CALCOCO2: variants seen among roughly 807,000 people sequenced by gnomAD.
CALCOCO2 encodes calcium binding and coiled-coil domain 2, also known as calcium-binding and coiled-coil domain-containing protein 2.
A neutral mutation model predicts 62.5 loss-of-function variants in CALCOCO2; 42 were observed. The observed-to-expected ratio is 0.67, with a 90% CI of 0.53 to 0.87. The LOEUF is 0.87. CALCOCO2 is among the 40% of genes least tolerant of loss of function. The pLI, the probability that CALCOCO2 is intolerant of heterozygous loss-of-function variation, is 0.00. For synonymous variants in CALCOCO2, 167 were observed against 173.0 expected, an observed-to-expected ratio of 0.97 and a Z score of 0.27; for missense variants, 456 against 515.0, an observed-to-expected ratio of 0.89 and a Z score of 1.11.
At chr17:48,850,915 CTT>C in intron 5 of CALCOCO2, 172 bp from the exon 6 acceptor site, 2 of 349,322 alleles carry the variant, frequency 5.7e-6, no homozygotes, top group African/African-American at 4.3e-5. Context: ...GAGACACTGT[CTT>C]AAAAAAAAAA....
intron 1 of CALCOCO2, among the ~76,000 whole-genome samples, chr17:48,837,490 C>G (rs1567749109): frequency 1.3e-5 from 2 of 151,900 alleles, no homozygotes; most frequent in African/African-American, 4.8e-5. Flanking sequence ...ACTAAAAATA[C>G]AAAAAATTAG....
At chr17:48,848,250 TA>T in intron 3 of CALCOCO2, 71 bp from the exon 4 acceptor site, 1 of 1,555,752 alleles carries the variant, frequency 6.4e-7, no homozygotes. Flanking sequence ...CTGGGGCAGA[TA>T]AAAAGATTTC....
intron 2 of CALCOCO2, chr17:48,842,236 CCTCCACCTCCCGGGTTCAAGCAGTT>C (rs2039985423): frequency 6.6e-6 from 1 of 150,960 alleles, no homozygotes; most frequent in Non-Finnish European, 1.4e-5. Context: ...CTCACTGCTA[CCTCCACCTCCCGGGTTCAAGCAGTT>C]CTCCTGCCTC....
In CALCOCO2 at chr17:48,847,208, C is replaced by G. The variant is rs1435957874; in HGVS notation, c.181-856C>G. Among the ~76,000 whole-genome samples the G allele has an allele frequency of 2.6e-5, 4 of 151,950 alleles. No individual in the cohort carries two copies. The East Asian group carries it at 7.7e-4, about 29-fold the overall frequency. On this transcript the variant is annotated intron_variant, in intron 2 of 12. Transcript: ENST00000258947. The stretch of plus-strand genomic sequence containing the variant: ...CTAAGAACCCTGTTCTCCCTCTGCC[C>G]CCAACACAGACATTATGAAAAATAA...
chr17:48,847,454 CT>C (rs1222874153), intron 2 of CALCOCO2, among the ~76,000 whole-genome samples: 1 of 152,028 alleles, frequency 6.6e-6, no homozygotes, highest in Non-Finnish European at 1.5e-5. Context: ...ATTTTTGGAG[CT>C]TTTTTCCTGG....
intron 5 of CALCOCO2, among the ~76,000 whole-genome samples, chr17:48,850,381 C>G (rs538650890): frequency 2.0e-5 from 3 of 151,160 alleles, no homozygotes; most frequent in African/African-American, 7.3e-5. Flanking sequence ...TGCTTGAACC[C>G]GGGAGGCAGA....
chr17:48,858,918 G>A (rs1246025779), intron 10 of CALCOCO2, among the ~76,000 whole-genome samples: 1 of 151,598 alleles, frequency 6.6e-6, no homozygotes, highest in Non-Finnish European at 1.5e-5. Flanking sequence ...GGTGGTGCAT[G>A]CCTGTAATCC....
intron 2 of CALCOCO2, chr17:48,845,988 C>A: frequency 1.2e-6 from 1 of 806,952 alleles, no homozygotes; most frequent in Non-Finnish European, 1.9e-6. Context: ...TGTAAAGTTT[C>A]GTCCTTTGCA....
rs1175156386 is a variant in CALCOCO2 at position 48,845,381 on chromosome 17, G to C, written c.181-2683G>C. ...CTAATTAAATCCTCACTGTGTGTGT[G>C]TGTGTGTGTGTGTGTGTGTGTGTGT... is the stretch of plus-strand genomic sequence containing the variant. On this transcript the variant is annotated intron_variant, in intron 2 of 12. Transcript: ENST00000258947. Among the ~76,000 whole-genome samples, 380 of 75,554 alleles carry C rather than the reference G, an allele frequency of 5.0e-3. 7 individuals are homozygous for C. Among genetic ancestry groups the C allele is most frequent in the South Asian group, 0.015 (17 of 1,142 alleles). The allele number at this position is 75,554 out of a possible 152,430, so 49.6% of individuals were successfully genotyped here.
chr17:48,857,274 C>T (rs374253966), intron 10 of CALCOCO2, among the ~76,000 whole-genome samples: 1 of 150,138 alleles, frequency 6.7e-6, no homozygotes, highest in Non-Finnish European at 1.5e-5. Context: ...CTCAGCTCAC[C>T]GCAACCTCCA....
chr17:48,846,058 C>A, intron 2 of CALCOCO2: 1 of 1,484,482 alleles, frequency 6.7e-7, no homozygotes, highest in Non-Finnish European at 9.1e-7. Flanking sequence ...GACTATTCAA[C>A]TCCTCATCAC....
At chr17:48,840,451 C>G (rs181155469) in intron 1 of CALCOCO2, among the ~76,000 whole-genome samples, 91 of 152,284 alleles carry the variant, frequency 6.0e-4, no homozygotes, top group Admixed American at 1.6e-3. Context: ...TATTCTTGAT[C>G]ACATTTTATC....
chr17:48,862,377 G>A, intron 12 of CALCOCO2, 73 bp downstream of exon 12: 1 of 989,406 alleles, frequency 1.0e-6, no homozygotes, highest in Non-Finnish European at 1.6e-6. Context: ...GTTCATGGGA[G>A]AACCATAGGG....
chr17:48,855,793 A>G (rs748936187), intron 9 of CALCOCO2: 1 of 183,834 alleles, frequency 5.4e-6, no homozygotes, highest in Non-Finnish European at 1.1e-5. Flanking sequence ...CCTAATTCTG[A>G]TAAGTCAGTC....
intron 9 of CALCOCO2, 131 bp downstream of exon 9, chr17:48,853,143 A>G (rs189402292): frequency 7.9e-6 from 5 of 630,692 alleles, no homozygotes; most frequent in Non-Finnish European, 1.4e-5. Flanking sequence ...TTTGCTTTCT[A>G]GCCAAAAGGA....
intron 2 of CALCOCO2, among the ~76,000 whole-genome samples, chr17:48,843,318 T>A (rs2040001331): frequency 6.6e-6 from 1 of 152,188 alleles, no homozygotes; most frequent in Non-Finnish European, 1.5e-5. Context: ...TCTTCTTATT[T>A]CCAGAGACAA....
chr17:48,852,501 T>C lies in CALCOCO2; in HGVS notation c.703-5T>C, dbSNP rs148237937. ...TCTTGGTTATGTTCACTATTTTTGT[T>C]TTAGGCCCAGCTGTCAACTCAAGAG... is the stretch of plus-strand genomic sequence containing the variant. On this transcript the variant is annotated splice_region_variant and splice_polypyrimidine_tract_variant and intron_variant, in intron 7 of 12. Coordinates refer to ENST00000258947, the MANE Select transcript of CALCOCO2 (RefSeq NM_005831.5). 0.027 allele frequency: 43,797 copies of C among 1,610,834 alleles called. 693 individuals carry two copies. Among genetic ancestry groups the C allele is most frequent in the South Asian group, 0.035 (3,203 of 90,740 alleles).
chr17:48,841,367 G>A (rs2039972414), intron 1 of CALCOCO2, among the ~76,000 whole-genome samples: 1 of 152,126 alleles, frequency 6.6e-6, no homozygotes, highest in Non-Finnish European at 1.5e-5. Flanking sequence ...ACAGTTCCCA[G>A]CTCAGGCTAT....
chr17:48,839,670 C>CTTTTTTTTTT (rs766846336), intron 1 of CALCOCO2, among the ~76,000 whole-genome samples: 7 of 66,170 alleles, frequency 1.1e-4, no homozygotes, highest in African/African-American at 1.3e-4. Flanking sequence ...CTTTGCTTTG[C>CTTTTTTTTTT]TTTTTTTTTT....
Sources: allele counts gnomAD v4.1 joint callset (sites outside exome capture counted in the v4.1 genomes callset), GRCh38; gene constraint gnomAD v4.1.1; transcripts MANE v1.5; gene names NCBI Gene and HGNC (gene_info 2026-07-23, HGNC 2026-07-21).